Variants in TMCO5A observed in about 807,000 individuals in gnomAD.
TMCO5A encodes the protein transmembrane and coiled-coil domain-containing protein 5A.
Under a neutral mutation model 42.3 loss-of-function variants are expected in TMCO5A, and 34 were observed. The ratio of observed to expected loss-of-function variants is 0.80; its 90% confidence interval spans 0.61 to 1.07. The LOEUF is 1.07. TMCO5A is among the 50% of genes least tolerant of loss of function. The pLI is 0.00. For missense variants in TMCO5A, 357 were observed against 327.9 expected, an observed-to-expected ratio of 1.09 and a Z score of -0.69; for synonymous variants, 131 against 115.6, an observed-to-expected ratio of 1.13 and a Z score of -0.86.
the TMCO5A span, among the ~76,000 whole-genome samples, chr15:37,986,550 T>A: frequency 1.3e-5 from 2 of 151,936 alleles, no homozygotes; most frequent in Non-Finnish European, 2.9e-5. Flanking sequence ...CTGCCATCCA[T>A]CTCCAGAGGT....
chr15:38,011,863 G>T, the TMCO5A span, among the ~76,000 whole-genome samples: 1 of 152,136 alleles, frequency 6.6e-6, no homozygotes, highest in Admixed American at 6.5e-5. Flanking sequence ...GGTGGCTCAT[G>T]CTTGTAATCC....
chr15:37,956,141 G>A (rs1276261073), downstream of TMCO5A, among the ~76,000 whole-genome samples: 2 of 151,898 alleles, frequency 1.3e-5, no homozygotes, highest in Non-Finnish European at 2.9e-5. Flanking sequence ...CAAGAGAAAG[G>A]AGGAAAGATC....
At chr15:37,941,126 G>A (rs1185378369) in intron 6 of TMCO5A, 23 bp from the exon 7 acceptor site, 21 of 1,612,270 alleles carry the variant, frequency 1.3e-5, no homozygotes, top group Non-Finnish European at 1.7e-5. Context: ...TGCCAAGTTA[G>A]CAGTCTCTTT....
At chr15:37,981,834 T>C in the TMCO5A span, among the ~76,000 whole-genome samples, 2 of 152,176 alleles carry the variant, frequency 1.3e-5, no homozygotes, top group African/African-American at 4.8e-5. Context: ...TCCTGATGAA[T>C]ATTTACAGAA....
At chr15:38,008,048 AC>A in the TMCO5A span, among the ~76,000 whole-genome samples, 8 of 151,602 alleles carry the variant, frequency 5.3e-5, no homozygotes, top group African/African-American at 1.9e-4. Context: ...GGCGCCTGCC[AC>A]CACGCCTGGC....
At chr15:38,013,403 G>C in the TMCO5A span, among the ~76,000 whole-genome samples, 1 of 152,050 alleles carries the variant, frequency 6.6e-6, no homozygotes, top group South Asian at 2.1e-4. Flanking sequence ...ACTTGACATG[G>C]TGCCAAGAGG....
the TMCO5A span, among the ~76,000 whole-genome samples, chr15:38,025,478 T>C: frequency 2.0e-5 from 3 of 152,154 alleles, no homozygotes; most frequent in African/African-American, 7.2e-5. Flanking sequence ...TTTATGTTTA[T>C]ATGTTATCTA....
chr15:38,010,195 A>T, the TMCO5A span, among the ~76,000 whole-genome samples: 3 of 144,588 alleles, frequency 2.1e-5, no homozygotes, highest in Non-Finnish European at 4.6e-5. Context: ...AAGACAGTGA[A>T]ACCCCGTCTC....
At chr15:38,004,228 C>T in the TMCO5A span, among the ~76,000 whole-genome samples, 1 of 152,022 alleles carries the variant, frequency 6.6e-6, no homozygotes, top group African/African-American at 2.4e-5. Context: ...GAAAAGAGGC[C>T]TCAGGACTCT....
At chr15:37,978,052 G>A in the TMCO5A span, among the ~76,000 whole-genome samples, 1 of 152,194 alleles carries the variant, frequency 6.6e-6, no homozygotes, top group East Asian at 1.9e-4. Flanking sequence ...CAGTAGCAGT[G>A]GCAGAGGTGC....
At chr15:38,017,341 C>A in the TMCO5A span, among the ~76,000 whole-genome samples, 3 of 152,032 alleles carry the variant, frequency 2.0e-5, no homozygotes, top group East Asian at 5.8e-4. Flanking sequence ...TTTAAATCTC[C>A]GAGAAGCAGG....
chr15:37,960,688 A>G (rs1447839725), intron 11 of TMCO5A, among the ~76,000 whole-genome samples: 2 of 152,084 alleles, frequency 1.3e-5, no homozygotes, highest in East Asian at 3.8e-4. Flanking sequence ...CCACGTCAAC[A>G]TCTACTGGTT....
chr15:37,936,266 G>C (rs1270661257), intron 2 of TMCO5A, 48 bp from the exon 3 acceptor site: 12 of 1,570,974 alleles, frequency 7.6e-6, no homozygotes, highest in East Asian at 2.3e-5. Flanking sequence ...GATGATTATT[G>C]ATCTTGAGAT....
chr15:37,999,681 T>TG, the TMCO5A span, among the ~76,000 whole-genome samples: 16 of 152,218 alleles, frequency 1.1e-4, no homozygotes, highest in African/African-American at 3.9e-4. Flanking sequence ...ATATGGCTTT[T>TG]ATTGTATTGA....
Position 37,939,189 on chromosome 15 carries a change from G to A in TMCO5A, c.387+960G>A, listed in dbSNP as rs1889641239. ...AACTTCTCTCTACCCTCCAAAGCCT[G>A]CACTTGGTTGTGTGTATGAAGCCTC... On this transcript the variant is annotated intron_variant, in intron 6 of 11. Transcript: ENST00000319669. 2.6e-5 allele frequency among the ~76,000 whole-genome samples: 4 copies of A among 151,996 alleles called. No homozygotes were observed. The South Asian group carries it at 8.3e-4, about 32-fold the overall frequency.
intron 6 of TMCO5A, among the ~76,000 whole-genome samples, chr15:37,938,846 T>C (rs1401224690): frequency 6.6e-6 from 1 of 152,020 alleles, no homozygotes; most frequent in Non-Finnish European, 1.5e-5. Context: ...ATGTCTCTAA[T>C]TGTGTTCCAG....
the TMCO5A span, among the ~76,000 whole-genome samples, chr15:38,009,890 T>C: frequency 6.6e-6 from 1 of 152,182 alleles, no homozygotes; most frequent in African/African-American, 2.4e-5. Context: ...TTTAAAACAG[T>C]AGGTATTTAT....
chr15:38,010,562 G>C, the TMCO5A span, among the ~76,000 whole-genome samples: 4 of 151,848 alleles, frequency 2.6e-5, no homozygotes, highest in Admixed American at 6.6e-5. Context: ...AGCTGGCAGG[G>C]GGAACCTGCA....
At chr15:37,991,569 G>A in the TMCO5A span, among the ~76,000 whole-genome samples, 1 of 151,964 alleles carries the variant, frequency 6.6e-6, no homozygotes, top group Non-Finnish European at 1.5e-5. Context: ...TAGGACTTCC[G>A]CAACATGTAT....
Sources: gnomAD v4.1 joint callset for allele counts (sites outside exome capture counted in the v4.1 genomes callset) on GRCh38, gnomAD v4.1.1 for gene constraint, MANE v1.5 for transcripts, NCBI Gene and HGNC (gene_info 2026-07-23, HGNC 2026-07-21) for gene names.